SLIT3: variants seen among roughly 807,000 people sequenced by gnomAD.
SLIT3 encodes the protein slit homolog 3 protein.
Under a neutral mutation model 184.0 loss-of-function variants are expected in SLIT3, and 68 were observed. That is an observed-to-expected ratio of 0.37 (90% CI 0.30 to 0.45). The LOEUF is 0.45. Among genes scored for constraint, SLIT3 ranks in the 20% least tolerant of loss-of-function variants. The pLI, the probability that SLIT3 is intolerant of heterozygous loss-of-function variation, is 1.00. For synonymous variants in SLIT3, 831 were observed against 828.6 expected, an observed-to-expected ratio of 1.00 and a Z score of -0.05; for missense variants, 1,707 against 2,026.0, an observed-to-expected ratio of 0.84 and a Z score of 3.02.
chr5:169,169,853 G>T (rs529702511), intron 4 of SLIT3, among the ~76,000 whole-genome samples: 1 of 152,340 alleles, frequency 6.6e-6, no homozygotes, highest in East Asian at 1.9e-4. Flanking sequence ...TATTTGCAAA[G>T]CCCCACCAGG....
rs1760960932 is a variant in SLIT3 at position 168,664,193 on chromosome 5, TACTA to T, written c.*2257_*2260del. 6.6e-6 allele frequency: 1 copy of T among 152,316 alleles called. No individual in the cohort carries two copies. The highest frequency in any genetic ancestry group is 3.4e-3 in the Middle Eastern group (1 of 294). The allele number at this position is 152,316 out of a possible 1,614,324, so 9.4% of individuals were successfully genotyped here. ...GAGTGGTATCTGATGTATAATAAAG[TACTA>T]AATAAATCTGCTATTATAATAATGT... On this transcript the variant is annotated 3_prime_UTR_variant, in exon 36 of 36. Transcript: ENST00000519560.
At chr5:168,688,185 C>T (rs530595168) in intron 29 of SLIT3, among the ~76,000 whole-genome samples, 3 of 152,202 alleles carry the variant, frequency 2.0e-5, no homozygotes, top group Non-Finnish European at 2.9e-5. Context: ...TGCTTACTGG[C>T]GCTTCTGCCT....
At chr5:168,802,031 C>T (rs188201680) in intron 9 of SLIT3, among the ~76,000 whole-genome samples, 91 of 151,498 alleles carry the variant, frequency 6.0e-4, no homozygotes, top group Non-Finnish European at 1.2e-3. Flanking sequence ...TCACTAGTAG[C>T]TAAGGATTGA....
At chr5:168,922,104 T>G (rs1254030079) in intron 4 of SLIT3, among the ~76,000 whole-genome samples, 1 of 152,124 alleles carries the variant, frequency 6.6e-6, no homozygotes, top group Non-Finnish European at 1.5e-5. Flanking sequence ...TGCTGCAGTG[T>G]TAGTAAGTCA....
intron 4 of SLIT3, among the ~76,000 whole-genome samples, chr5:169,150,222 A>G (rs1305498873): frequency 6.6e-6 from 1 of 152,174 alleles, no homozygotes; most frequent in Non-Finnish European, 1.5e-5. Context: ...AACCCCTAAT[A>G]TCCTGTTGTA....
At chr5:169,146,690 C>A (rs1299759969) in intron 4 of SLIT3, among the ~76,000 whole-genome samples, 1 of 152,222 alleles carries the variant, frequency 6.6e-6, no homozygotes, top group Admixed American at 6.5e-5. Flanking sequence ...CCAGTTGACA[C>A]CTGTGCCAAA....
chr5:168,753,315 T>C (rs1754783079), intron 17 of SLIT3, among the ~76,000 whole-genome samples: 1 of 152,238 alleles, frequency 6.6e-6, no homozygotes, highest in South Asian at 2.1e-4. Context: ...GTGCATGCTT[T>C]CTTGGAAGCA....
chr5:168,811,336 T>C (rs1233832094), intron 8 of SLIT3, among the ~76,000 whole-genome samples: 1 of 152,204 alleles, frequency 6.6e-6, no homozygotes, highest in Non-Finnish European at 1.5e-5. Flanking sequence ...TTAGGTTCCA[T>C]TCTTTTTTTC....
rs777109478 is a variant in SLIT3 at position 168,700,649 on chromosome 5, A to G, written c.2875T>C (p.Cys959Arg). 6.2e-7 allele frequency: 1 copy of G among 1,614,094 alleles called. No individual in the cohort carries two copies. Among genetic ancestry groups the G allele is most frequent in the Non-Finnish European group, 8.5e-7 (1 of 1,180,008 alleles). The change falls in exon 27 of 36, where the codon TGC becomes CGC. Residue 959 changes from cysteine (C) to arginine (R), a missense_variant. Coordinates refer to ENST00000519560, the MANE Select transcript of SLIT3 (RefSeq NM_003062.4). Reference sequence around the variant, plus strand: ...CCATGCTGACAGGGGTTCTGGATGCAGGTGTTGATGGGCACAGTGCAGTCC... The same window carrying G: ...CCATGCTGACAGGGGTTCTGGATGCGGGTGTTGATGGGCACAGTGCAGTCC... The part of the protein sequence containing the change: ...GKDCTVPINT[C>R]IQNPCQHGGT...
intron 4 of SLIT3, among the ~76,000 whole-genome samples, chr5:168,896,367 C>T (rs1760663267): frequency 6.6e-6 from 1 of 152,026 alleles, no homozygotes; most frequent in African/African-American, 2.4e-5. Flanking sequence ...ATGCTGTGTC[C>T]CTCATAAAAA....
At chr5:169,042,244 GA>G (rs1265279379) in intron 4 of SLIT3, among the ~76,000 whole-genome samples, 3 of 152,048 alleles carry the variant, frequency 2.0e-5, no homozygotes, top group Non-Finnish European at 4.4e-5. Flanking sequence ...CTACACATTA[GA>G]AAAAAGTCCT....
intron 1 of SLIT3, among the ~76,000 whole-genome samples, chr5:169,268,353 G>A (rs1581121654): frequency 1.3e-5 from 2 of 152,100 alleles, no homozygotes; most frequent in Non-Finnish European, 2.9e-5. Flanking sequence ...CTGCAGGTTC[G>A]ACCCAAGGAA....
chr5:168,730,463 A>G (rs1294288628), intron 20 of SLIT3, among the ~76,000 whole-genome samples: 1 of 152,110 alleles, frequency 6.6e-6, no homozygotes, highest in African/African-American at 2.4e-5. Context: ...TCCAAGATAG[A>G]CCACAAGTTA....
At chr5:169,240,617 A>G (rs1051574566) in intron 3 of SLIT3, among the ~76,000 whole-genome samples, 1 of 91,282 alleles carries the variant, frequency 1.1e-5, no homozygotes, top group African/African-American at 4.3e-5. Flanking sequence ...AGTTTTCTCT[A>G]TCCTTATGTT....
At chr5:169,000,922 G>A (rs1328134988) in intron 4 of SLIT3, among the ~76,000 whole-genome samples, 4 of 152,190 alleles carry the variant, frequency 2.6e-5, no homozygotes, top group South Asian at 2.1e-4. Flanking sequence ...CCTGCCAAGC[G>A]GTTATTTGAG....
At chr5:168,801,674 G>A (rs1756771127) in intron 9 of SLIT3, among the ~76,000 whole-genome samples, 1 of 152,142 alleles carries the variant, frequency 6.6e-6, no homozygotes, top group African/African-American at 2.4e-5. Context: ...AGATGAACAT[G>A]TGGGTCTCTG....
chr5:168,879,294 G>A (rs994380115), intron 5 of SLIT3, among the ~76,000 whole-genome samples: 6 of 152,104 alleles, frequency 3.9e-5, no homozygotes, highest in Admixed American at 2.0e-4. Flanking sequence ...CTGGGTAGTG[G>A]TTCTCAAACA....
chr5:169,044,610 T>C (rs1188987386), intron 4 of SLIT3, among the ~76,000 whole-genome samples: 10 of 151,332 alleles, frequency 6.6e-5, no homozygotes, highest in African/African-American at 1.9e-4. Flanking sequence ...GGGGAGAAAT[T>C]GTTAATGGGT....
chr5:169,049,977 T>C (rs1391004234), intron 4 of SLIT3, among the ~76,000 whole-genome samples: 1 of 152,186 alleles, frequency 6.6e-6, no homozygotes, highest in Non-Finnish European at 1.5e-5. Flanking sequence ...TGGGTATAGT[T>C]GAGCCATCTA....
Sources: allele counts gnomAD v4.1 joint callset (sites outside exome capture counted in the v4.1 genomes callset), GRCh38; gene constraint gnomAD v4.1.1; transcripts MANE v1.5; gene names NCBI Gene and HGNC (gene_info 2026-07-23, HGNC 2026-07-21).